TMEM229B: variants seen among roughly 807,000 people sequenced by gnomAD.
TMEM229B encodes transmembrane protein 229B.
In TMEM229B, 6 loss-of-function variants were observed where a neutral mutation model predicts 13.7. That is an observed-to-expected ratio of 0.44 (90% CI 0.24 to 0.86). The LOEUF is 0.86. TMEM229B is among the 40% of genes least tolerant of loss of function. The pLI is 0.23. For synonymous variants in TMEM229B, 107 were observed against 102.1 expected, an observed-to-expected ratio of 1.05 and a Z score of -0.29; for missense variants, 170 against 236.0, an observed-to-expected ratio of 0.72 and a Z score of 1.83.
intron 2 of TMEM229B, among the ~76,000 whole-genome samples, chr14:67,482,500 CT>C (rs113937075): frequency 8.6e-4 from 131 of 152,336 alleles, no homozygotes; most frequent in African/African-American, 3.1e-3. Context: ...ACTCCACTCA[CT>C]TCCCAAGCTT....
chr14:67,515,097 C>G (rs1207608995), exon 1 of TMEM229B: 1 of 152,326 alleles, frequency 6.6e-6, no homozygotes, highest in African/African-American at 2.4e-5. Context: ...GGTGCGGGGC[C>G]GGGGCCGTGG....
intron 1 of TMEM229B, among the ~76,000 whole-genome samples, chr14:67,495,291 TG>T (rs2032322868): frequency 6.6e-6 from 1 of 152,156 alleles, no homozygotes; most frequent in Non-Finnish European, 1.5e-5. Flanking sequence ...GCTTCTCCAT[TG>T]ATTTACTCCC....
chr14:67,490,147 A>G (rs1057059017), upstream of TMEM229B, among the ~76,000 whole-genome samples: 1 of 152,232 alleles, frequency 6.6e-6, no homozygotes, highest in African/African-American at 2.4e-5. Context: ...CAATGTTACT[A>G]ATCAAACATA....
intron 2 of TMEM229B, among the ~76,000 whole-genome samples, chr14:67,483,129 G>T (rs893172651): frequency 1.3e-5 from 2 of 152,090 alleles, no homozygotes; most frequent in African/African-American, 2.4e-5. Context: ...TCATGCCTCA[G>T]CCTCCCAAGA....
At chr14:67,532,446 G>A (rs748252880) in intron 1 of TMEM229B, among the ~76,000 whole-genome samples, 1 of 152,130 alleles carries the variant, frequency 6.6e-6, no homozygotes, top group East Asian at 1.9e-4. Flanking sequence ...GCCAAATGTT[G>A]AGTTTTCCAA....
intron 1 of TMEM229B, among the ~76,000 whole-genome samples, chr14:67,502,640 C>T (rs543332285): frequency 2.0e-5 from 3 of 151,978 alleles, no homozygotes; most frequent in South Asian, 4.2e-4. Context: ...TTAGTAGAGA[C>T]GGCATTCCTC....
chr14:67,504,735 A>G (rs568629401), intron 1 of TMEM229B, among the ~76,000 whole-genome samples: 89 of 152,226 alleles, frequency 5.8e-4, no homozygotes, highest in Middle Eastern at 6.8e-3. Flanking sequence ...AAATACAAAA[A>G]TTATCTGGGC....
intron 2 of TMEM229B, among the ~76,000 whole-genome samples, chr14:67,474,968 T>A (rs1429163360): frequency 7.0e-6 from 1 of 142,522 alleles, no homozygotes; most frequent in East Asian, 2.0e-4. Context: ...CAGGCTGGAG[T>A]GCAGTGGCGC....
At chr14:67,512,540 G>A (rs1178205550) in intron 1 of TMEM229B, among the ~76,000 whole-genome samples, 1 of 152,180 alleles carries the variant, frequency 6.6e-6, no homozygotes, top group East Asian at 1.9e-4. Context: ...GGAGATGGGG[G>A]AGGAGAAAAG....
intron 1 of TMEM229B, among the ~76,000 whole-genome samples, chr14:67,524,883 C>T (rs1020884212): frequency 3.9e-5 from 6 of 152,136 alleles, no homozygotes; most frequent in African/African-American, 1.4e-4. Flanking sequence ...TATCTCTCCC[C>T]GGTATCTTAA....
At chr14:67,527,027 G>A (rs897804694) in intron 1 of TMEM229B, among the ~76,000 whole-genome samples, 25 of 152,190 alleles carry the variant, frequency 1.6e-4, no homozygotes, top group African/African-American at 5.8e-4. Context: ...CAATGGCTTG[G>A]TCAGCTCATT....
upstream of TMEM229B, among the ~76,000 whole-genome samples, chr14:67,489,550 A>T (rs370023862): frequency 4.6e-5 from 7 of 152,192 alleles, no homozygotes; most frequent in East Asian, 1.2e-3. Context: ...CCTCCTCTGC[A>T]GCCACCATTC....
upstream of TMEM229B, among the ~76,000 whole-genome samples, chr14:67,516,832 G>C (rs2033211285): frequency 6.6e-6 from 1 of 152,202 alleles, no homozygotes; most frequent in Admixed American, 6.5e-5. Context: ...TTGGGGCAGA[G>C]GGAGTCATGT....
intron 1 of TMEM229B, among the ~76,000 whole-genome samples, chr14:67,506,345 AG>A (rs2032826445): frequency 6.6e-6 from 1 of 152,220 alleles, no homozygotes; most frequent in South Asian, 2.1e-4. Flanking sequence ...GACCAGGGAA[AG>A]AACTAATCCC....
chr14:67,492,054 G>C (rs1345014648), upstream of TMEM229B, among the ~76,000 whole-genome samples: 1 of 152,104 alleles, frequency 6.6e-6, no homozygotes, highest in Non-Finnish European at 1.5e-5. Flanking sequence ...CTCACTTGGA[G>C]GCCACCTGTC....
chr14:67,502,426 C>T (rs2032645674), intron 1 of TMEM229B, among the ~76,000 whole-genome samples: 1 of 150,214 alleles, frequency 6.7e-6, no homozygotes, highest in African/African-American at 2.4e-5. Context: ...ACTGCAAAGT[C>T]CTTGCTGGTG....
chr14:67,489,332 C>T (rs927099466), upstream of TMEM229B, among the ~76,000 whole-genome samples: 2 of 152,220 alleles, frequency 1.3e-5, no homozygotes, highest in Admixed American at 1.3e-4. Flanking sequence ...CTGCTTCCCA[C>T]CCAAATCTCA....
chr14:67,490,299 C>T (rs2032115184), upstream of TMEM229B, among the ~76,000 whole-genome samples: 1 of 152,168 alleles, frequency 6.6e-6, no homozygotes, highest in East Asian at 1.9e-4. Context: ...CTCCAGGAGC[C>T]ATTGCACCAC....
intron 1 of TMEM229B, among the ~76,000 whole-genome samples, chr14:67,505,326 G>C (rs987014402): frequency 1.3e-5 from 2 of 152,102 alleles, no homozygotes; most frequent in African/African-American, 4.8e-5. Context: ...TGGTGAGAGG[G>C]GAATTCACCA....
Sources: allele counts gnomAD v4.1 joint callset (sites outside exome capture counted in the v4.1 genomes callset), GRCh38; gene constraint gnomAD v4.1.1; transcripts MANE v1.5; gene names NCBI Gene and HGNC (gene_info 2026-07-23, HGNC 2026-07-21).